WDR27: variants seen among roughly 807,000 people sequenced by gnomAD.
The protein encoded by WDR27 is WD repeat domain 27, also known as WD repeat-containing protein 27.
Under a neutral mutation model 114.4 loss-of-function variants are expected in WDR27, and 100 were observed. That is an observed-to-expected ratio of 0.87 (90% CI 0.74 to 1.03). The LOEUF is 1.03. Among genes scored for constraint, WDR27 ranks in the 50% least tolerant of loss-of-function variants. WDR27 has a pLI of 0.00. For missense variants in WDR27, 1,129 were observed against 1,092.9 expected (o/e 1.03, Z -0.47); for synonymous variants, 449 against 423.1 (o/e 1.06, Z -0.75).
At chr6:169,594,763 C>T (rs1332472071) in intron 23 of WDR27, among the ~76,000 whole-genome samples, 1 of 152,232 alleles carries the variant, frequency 6.6e-6, no homozygotes, top group Non-Finnish European at 1.5e-5. Flanking sequence ...TTTCACATCT[C>T]TTCTCTTTAT....
intron 2 of WDR27, among the ~76,000 whole-genome samples, chr6:169,687,577 T>C (rs1783334401): frequency 6.6e-6 from 1 of 152,214 alleles, no homozygotes; most frequent in Non-Finnish European, 1.5e-5. Flanking sequence ...TAGGTGAAGA[T>C]ATGGTTCAAC....
At chr6:169,432,627 T>C in the WDR27 span, among the ~76,000 whole-genome samples, 1 of 152,210 alleles carries the variant, frequency 6.6e-6, no homozygotes, top group Non-Finnish European at 1.5e-5. Flanking sequence ...CCTTTCACCA[T>C]GAGCATGAGG....
At chr6:169,481,417 A>G (rs1349895650) in intron 25 of WDR27, among the ~76,000 whole-genome samples, 1 of 152,244 alleles carries the variant, frequency 6.6e-6, no homozygotes, top group East Asian at 1.9e-4. Context: ...GAATAAAAGC[A>G]GGCTGCCCAA....
At chr6:169,621,308 CCA>C (rs1301258999) in intron 21 of WDR27, among the ~76,000 whole-genome samples, 2 of 140,796 alleles carry the variant, frequency 1.4e-5, no homozygotes, top group African/African-American at 5.3e-5. Flanking sequence ...ATATACATAC[CCA>C]CACACGCATT....
intron 21 of WDR27, among the ~76,000 whole-genome samples, chr6:169,618,733 A>T (rs1333325624): frequency 2.0e-5 from 3 of 151,630 alleles, no homozygotes; most frequent in Admixed American, 2.0e-4. Flanking sequence ...ATGTTACTGG[A>T]AATACAGCAT....
At chr6:169,602,950 T>G (rs970397572) in intron 22 of WDR27, among the ~76,000 whole-genome samples, 6 of 151,740 alleles carry the variant, frequency 4.0e-5, no homozygotes, top group African/African-American at 1.5e-4. Context: ...CAAGCAATTC[T>G]CCAGCCTCAG....
chr6:169,466,903 A>G (rs1785663473), intron 25 of WDR27, among the ~76,000 whole-genome samples: 1 of 152,232 alleles, frequency 6.6e-6, no homozygotes, highest in South Asian at 2.1e-4. Flanking sequence ...AGACAAGCCA[A>G]GTCCCTTTGA....
chr6:169,637,021 C>T (rs566682881), intron 18 of WDR27, among the ~76,000 whole-genome samples: 24 of 152,274 alleles, frequency 1.6e-4, no homozygotes, highest in African/African-American at 3.6e-4. Context: ...CTATAAAAGA[C>T]GCAAAGAAAA....
the WDR27 span, among the ~76,000 whole-genome samples, chr6:169,438,343 T>C: frequency 6.6e-6 from 1 of 151,336 alleles, no homozygotes; most frequent in African/African-American, 2.4e-5. Context: ...GTTCATGCCA[T>C]TCTCCTGCCT....
At chr6:169,624,599 A>G (rs1814324314) in intron 21 of WDR27, among the ~76,000 whole-genome samples, 1 of 152,224 alleles carries the variant, frequency 6.6e-6, no homozygotes, top group African/African-American at 2.4e-5. Context: ...CCAGGGAGTC[A>G]GGTGACCTCC....
chr6:169,607,606 T>C (rs1453287892), intron 22 of WDR27, among the ~76,000 whole-genome samples: 3 of 152,034 alleles, frequency 2.0e-5, no homozygotes, highest in Admixed American at 6.5e-5. Context: ...TATGAAACCA[T>C]AGACACTGGA....
chr6:169,601,756 T>C (rs1352257424), intron 23 of WDR27, among the ~76,000 whole-genome samples: 8 of 152,246 alleles, frequency 5.3e-5, no homozygotes, highest in Non-Finnish European at 1.0e-4. Context: ...TGTGTATTAG[T>C]ACCTGCCCCA....
chr6:169,534,475 G>A (rs1191286735), intron 25 of WDR27, among the ~76,000 whole-genome samples: 1 of 152,104 alleles, frequency 6.6e-6, no homozygotes, highest in East Asian at 1.9e-4. Context: ...TCCCTTTTAA[G>A]AGTCTGGTAG....
intron 25 of WDR27, among the ~76,000 whole-genome samples, chr6:169,553,923 C>T (rs1423779621): frequency 2.0e-5 from 3 of 152,198 alleles, no homozygotes. Context: ...AAGTTTGCCA[C>T]AAATTAGGTC....
Position 169,622,686 on chromosome 6 carries a change from G to A in WDR27, c.2224-9030C>T, listed in dbSNP as rs114405925. On this transcript the variant is annotated intron_variant, in intron 21 of 25. Transcript: ENST00000448612. The stretch of plus-strand genomic sequence containing the variant: ...CTATAAAAACAGGAAACTTTTCAAA[G>A]AAGTGATATTTTTACTGTGTCCCTC... Among the ~76,000 whole-genome samples, 596 of 152,300 alleles carry A rather than the reference G, an allele frequency of 3.9e-3. 4 individuals are homozygous for A. Among genetic ancestry groups the A allele is most frequent in the African/African-American group, 0.013 (544 of 41,576 alleles).
Position 169,633,060 on chromosome 6 carries a change from G to C in WDR27, c.2110C>G (p.Leu704Val). The change falls in exon 21 of 26, where the codon CTC becomes GTC. Residue 704 changes from leucine to valine, a missense_variant. Coordinates refer to ENST00000448612, the MANE Select transcript of WDR27 (RefSeq NM_182552.5). ...AVNDFYSHIV[L>V]AAGRNRTVEV... ...ACGGTCCTGTTCCGGCCAGCTGCGA[G>C]TACGATGTCTGCGATAATCCAGTTA... 6.3e-7 allele frequency: 1 copy of C among 1,581,110 alleles called. No individual in the cohort carries two copies. The highest frequency in any genetic ancestry group is 8.7e-7 in the Non-Finnish European group (1 of 1,154,312).
At chr6:169,657,519 G>A (rs1488667411) in intron 13 of WDR27, among the ~76,000 whole-genome samples, 1 of 152,230 alleles carries the variant, frequency 6.6e-6, no homozygotes, top group Non-Finnish European at 1.5e-5. Context: ...CTACCAGGCA[G>A]AAGGTGAAAG....
At chr6:169,585,797 G>A (rs754734497) in intron 23 of WDR27, among the ~76,000 whole-genome samples, 10 of 152,244 alleles carry the variant, frequency 6.6e-5, no homozygotes, top group African/African-American at 9.6e-5. Context: ...TGGTTTTGCC[G>A]TCTCAGCGGT....
intron 21 of WDR27, among the ~76,000 whole-genome samples, chr6:169,626,356 A>T (rs1207318238): frequency 5.9e-5 from 9 of 152,182 alleles, no homozygotes; most frequent in Non-Finnish European, 2.9e-5. Context: ...CAGAGGCACC[A>T]GCCAAGGGGG....
Sources: gnomAD v4.1 joint callset for allele counts (sites outside exome capture counted in the v4.1 genomes callset) on GRCh38, gnomAD v4.1.1 for gene constraint, MANE v1.5 for transcripts, NCBI Gene and HGNC (gene_info 2026-07-23, HGNC 2026-07-21) for gene names.